Variants in THRB observed in about 807,000 individuals in gnomAD.
THRB encodes nuclear receptor subfamily 1 group A member 2.
Under a neutral mutation model 47.8 loss-of-function variants are expected in THRB, and 12 were observed. The observed-to-expected ratio is 0.25, with a 90% confidence interval of 0.16 to 0.41. THRB has a LOEUF of 0.41. Among genes scored for constraint, THRB ranks in the 10% least tolerant of loss-of-function variants. The probability of loss-of-function intolerance (pLI) is 1.00; values close to 1 mark genes in which losing one functional copy is unlikely to be tolerated. For missense variants in THRB, 348 were observed against 589.2 expected (o/e 0.59, Z 4.24); for synonymous variants, 218 against 212.2 (o/e 1.03, Z -0.24).
chr3:24,317,603 T>C (rs1182729920), intron 2 of THRB, among the ~76,000 whole-genome samples: 2 of 152,138 alleles, frequency 1.3e-5, no homozygotes, highest in Non-Finnish European at 2.9e-5. Flanking sequence ...GTGTTGGGTC[T>C]GGAAGGCATA....
chr3:24,403,611 G>A (rs528256056), intron 1 of THRB, among the ~76,000 whole-genome samples: 15 of 152,064 alleles, frequency 9.9e-5, no homozygotes, highest in Non-Finnish European at 2.1e-4. Context: ...ACCTGAACAC[G>A]TAGTCATTAT....
chr3:24,202,506 G>A (rs747641604), intron 4 of THRB, among the ~76,000 whole-genome samples: 9 of 152,018 alleles, frequency 5.9e-5, no homozygotes, highest in Non-Finnish European at 1.2e-4. Context: ...ATTTATGACC[G>A]GCTCTGCCTC....
At chr3:24,413,696 T>G (rs1018822809) in intron 1 of THRB, among the ~76,000 whole-genome samples, 2 of 151,718 alleles carry the variant, frequency 1.3e-5, no homozygotes, top group Non-Finnish European at 1.5e-5. Flanking sequence ...TAGGTATACC[T>G]CCTAATGCTA....
At chr3:24,326,657 G>A (rs1323652721) in intron 2 of THRB, among the ~76,000 whole-genome samples, 2 of 151,764 alleles carry the variant, frequency 1.3e-5, no homozygotes, top group Non-Finnish European at 2.9e-5. Flanking sequence ...CCCAAAGGGA[G>A]CTAGTAAATA....
rs72619921 is a variant in THRB, at chr3:24,146,399, T to C, written c.532+276A>G. 2.9e-3 allele frequency among the ~76,000 whole-genome samples: 445 copies of C among 152,308 alleles called. 7 individuals carry two copies. The South Asian group carries it at 0.048, about 16-fold the overall frequency. On this transcript the variant is annotated intron_variant, in intron 7 of 10. Transcript: ENST00000646209. Reference sequence around the variant, plus strand: ...CTAACAACTAGGCCTGCAAATGTGATAGGGATAATTTAACTGCATTTCCTC... The same window carrying C: ...CTAACAACTAGGCCTGCAAATGTGACAGGGATAATTTAACTGCATTTCCTC...
intron 2 of THRB, among the ~76,000 whole-genome samples, chr3:24,324,894 A>G (rs565852033): frequency 6.6e-6 from 1 of 152,372 alleles, no homozygotes; most frequent in South Asian, 2.1e-4. Flanking sequence ...ACTTGCTGAA[A>G]AATATGTATT....
intron 4 of THRB, among the ~76,000 whole-genome samples, chr3:24,227,341 A>G (rs1266873578): frequency 2.0e-5 from 3 of 152,194 alleles, no homozygotes; most frequent in Admixed American, 2.0e-4. Flanking sequence ...ATTCATCCCA[A>G]CAGAAACATT....
chr3:24,343,509 CT>C (rs1341995416), intron 1 of THRB, among the ~76,000 whole-genome samples: 1 of 152,180 alleles, frequency 6.6e-6, no homozygotes, highest in East Asian at 1.9e-4. Flanking sequence ...CAACATCCAT[CT>C]GTTATTCTTT....
At chr3:24,236,425 T>G (rs1358284822) in intron 3 of THRB, among the ~76,000 whole-genome samples, 1 of 152,064 alleles carries the variant, frequency 6.6e-6, no homozygotes, top group Non-Finnish European at 1.5e-5. Flanking sequence ...AGGACACAAA[T>G]GTAAGGTATT....
At chr3:24,351,931 A>T (rs2063381670) in intron 1 of THRB, among the ~76,000 whole-genome samples, 2 of 152,178 alleles carry the variant, frequency 1.3e-5, no homozygotes, top group African/African-American at 4.8e-5. Context: ...GATGGGAGAG[A>T]GTGAGCCAGC....
intron 2 of THRB, among the ~76,000 whole-genome samples, chr3:24,326,536 A>C (rs1240230655): frequency 6.6e-6 from 1 of 152,022 alleles, no homozygotes; most frequent in Admixed American, 6.6e-5. Flanking sequence ...GTTCCCGGCC[A>C]GTTACAACTT....
intron 5 of THRB, among the ~76,000 whole-genome samples, chr3:24,158,951 G>T (rs1349183973): frequency 1.3e-5 from 2 of 152,040 alleles, no homozygotes; most frequent in Non-Finnish European, 2.9e-5. Context: ...GCATGAATTA[G>T]AAAGCAGGAA....
chr3:24,449,106 G>A (rs900148408), intron 1 of THRB, among the ~76,000 whole-genome samples: 4 of 152,154 alleles, frequency 2.6e-5, no homozygotes, highest in African/African-American at 9.7e-5. Context: ...TTTAAAGTTG[G>A]CCAATGAAAG....
chr3:24,318,021 T>C (rs776992442), intron 2 of THRB, among the ~76,000 whole-genome samples: 1 of 152,056 alleles, frequency 6.6e-6, no homozygotes, highest in South Asian at 2.1e-4. Context: ...ATGGCACCAC[T>C]GTACTCTACC....
chr3:24,361,372 A>C (rs1333215631), intron 1 of THRB, among the ~76,000 whole-genome samples: 2 of 152,164 alleles, frequency 1.3e-5, no homozygotes, highest in Non-Finnish European at 2.9e-5. Flanking sequence ...TATACATAAT[A>C]CACAGCCCAA....
intron 1 of THRB, among the ~76,000 whole-genome samples, chr3:24,402,094 A>G (rs1339733393): frequency 6.6e-6 from 1 of 151,978 alleles, no homozygotes; most frequent in Non-Finnish European, 1.5e-5. Context: ...AGGTTTTTAG[A>G]AAACAGAGCT....
chr3:24,266,215 A>G (rs893103611), intron 3 of THRB, among the ~76,000 whole-genome samples: 2 of 152,216 alleles, frequency 1.3e-5, no homozygotes, highest in African/African-American at 4.8e-5. Flanking sequence ...ACAAAAACAT[A>G]TATTAAAATA....
intron 1 of THRB, among the ~76,000 whole-genome samples, chr3:24,366,044 T>A (rs2064432482): frequency 6.6e-6 from 1 of 152,212 alleles, no homozygotes; most frequent in Non-Finnish European, 1.5e-5. Flanking sequence ...AATTGTTTAC[T>A]TGGCTATGTC....
At chr3:24,239,241 C>T (rs1034711942) in intron 3 of THRB, among the ~76,000 whole-genome samples, 8 of 152,086 alleles carry the variant, frequency 5.3e-5, no homozygotes, top group Non-Finnish European at 7.4e-5. Context: ...TGCATTCAGT[C>T]GCACATTAGG....
Sources: allele counts gnomAD v4.1 joint callset (sites outside exome capture counted in the v4.1 genomes callset), GRCh38; gene constraint gnomAD v4.1.1; transcripts MANE v1.5; gene names NCBI Gene and HGNC (gene_info 2026-07-23, HGNC 2026-07-21).